Variants in DDIAS observed in about 807,000 individuals in gnomAD.
DDIAS encodes the protein DNA damage-induced apoptosis suppressor protein.
In DDIAS, 14 loss-of-function variants were observed where a neutral mutation model predicts 15.7. That is an observed-to-expected ratio of 0.89 (90% CI 0.59 to 1.39). DDIAS has a LOEUF of 1.39. DDIAS is among the 40% of genes most tolerant of loss of function. The pLI is 0.00. For synonymous variants in DDIAS, 355 were observed against 395.9 expected (o/e 0.90, Z 1.23); for missense variants, 1,035 against 1,130.9 (o/e 0.92, Z 1.22).
chr11:82,904,246 C>A (rs747693694), intron 1 of DDIAS, among the ~76,000 whole-genome samples: 16 of 152,282 alleles, frequency 1.1e-4, no homozygotes, highest in Non-Finnish European at 1.8e-4. Flanking sequence ...CTTAATTGAA[C>A]TTTTTCTCTA....
chr11:82,911,856 G>C (rs1409167974), intron 1 of DDIAS, among the ~76,000 whole-genome samples: 1 of 152,246 alleles, frequency 6.6e-6, no homozygotes, highest in African/African-American at 2.4e-5. Context: ...TCCATGAGTA[G>C]AGAATGGATG....
At chr11:82,922,457 T>G (rs1320881404) in intron 3 of DDIAS, among the ~76,000 whole-genome samples, 1 of 152,204 alleles carries the variant, frequency 6.6e-6, no homozygotes, top group Non-Finnish European at 1.5e-5. Flanking sequence ...TTGAAGACCT[T>G]GTCTTCAAGC....
chr11:82,928,851 T>C lies in DDIAS; in HGVS notation c.188T>C (p.Val63Ala). 6.2e-7 allele frequency: 1 copy of C among 1,612,568 alleles called. No homozygotes were observed. The highest frequency in any genetic ancestry group is 8.5e-7 in the Non-Finnish European group (1 of 1,179,606). The change falls in exon 4 of 6, where the codon GTT (valine) becomes GCT (alanine). Residue 63 changes from valine to alanine, a missense_variant. Transcript: ENST00000533655. ...TACAGATACAAACTTTCCTTAAAAG[T>C]TGCAGAATCAAACAAATTGTTTGTT... ...ANYRYKLSLK[V>A]AESNKLFVIT...
Position 82,928,914 on chromosome 11 carries a change from G to A in DDIAS, c.251G>A (p.Gly84Asp). Residue 84 changes from glycine (G) to aspartate (D), a missense_variant, in exon 4 of 6, where the codon GGT (glycine) becomes GAT (aspartate). Coordinates refer to ENST00000533655, the MANE Select transcript of DDIAS (RefSeq NM_145018.4). ...VFGSCLDTFF[G>D]LTATGLHRYI... is the part of the protein sequence containing the mutation. ...GGAAGTTGCTTAGATACATTTTTTG[G>A]TCTTACTGCCACTGGTTTGCACAGG... 1 of 1,611,748 alleles carries A rather than the reference G, an allele frequency of 6.2e-7. No homozygotes were observed. Among genetic ancestry groups the A allele is most frequent in the Non-Finnish European group, 8.5e-7 (1 of 1,179,458 alleles).
rs1335332550 is a variant in DDIAS at position 82,930,286 on chromosome 11, T to C, written c.393+12T>C. On this transcript the variant is annotated intron_variant, in intron 5 of 5. Coordinates refer to ENST00000533655, the MANE Select transcript of DDIAS (RefSeq NM_145018.4). ...TTTTTGGAGTGACGGTAATTGAGAC[T>C]AGCTTTCTTTTTAATAATCTGTTAA... 4.1e-6 allele frequency: 6 copies of C among 1,457,014 alleles called. No homozygotes were observed. In the African/African-American group the frequency reaches 8.5e-5, roughly 21 times the overall value. The allele number at this position is 1,457,014 out of a possible 1,614,324, so 90.3% of individuals were successfully genotyped here. A position where few individuals can be genotyped will look rare whatever the true frequency, so the allele number is the denominator to read the frequency against.
At chr11:82,923,824 A>C (rs1267398025) in intron 3 of DDIAS, among the ~76,000 whole-genome samples, 1 of 152,242 alleles carries the variant, frequency 6.6e-6, no homozygotes, top group Non-Finnish European at 1.5e-5. Flanking sequence ...ATAAAAAAAA[A>C]TGTGTACAAA....
chr11:82,903,709 A>T (rs1860372905), intron 1 of DDIAS, among the ~76,000 whole-genome samples: 1 of 152,196 alleles, frequency 6.6e-6, no homozygotes, highest in Admixed American at 6.5e-5. Context: ...AGTATGTGCC[A>T]TTGGAGGAGA....
At chr11:82,919,338 C>T (rs1860697421) in intron 3 of DDIAS, among the ~76,000 whole-genome samples, 3 of 152,190 alleles carry the variant, frequency 2.0e-5, no homozygotes, top group Non-Finnish European at 4.4e-5. Flanking sequence ...GTTTTTTCTG[C>T]ATCCATTGAG....
At chr11:82,902,737 C>T (rs930719978) in intron 1 of DDIAS, among the ~76,000 whole-genome samples, 1 of 152,180 alleles carries the variant, frequency 6.6e-6, no homozygotes, top group Non-Finnish European at 1.5e-5. Context: ...GTTTGCAAAG[C>T]CTTTTAAATC....
intron 3 of DDIAS, among the ~76,000 whole-genome samples, chr11:82,921,933 G>A (rs902937448): frequency 2.0e-5 from 3 of 152,098 alleles, no homozygotes; most frequent in Admixed American, 2.0e-4. Flanking sequence ...GCATTTGTTT[G>A]TCTGAGAAAG....
intron 3 of DDIAS, among the ~76,000 whole-genome samples, chr11:82,918,713 G>A (rs1222847509): frequency 6.6e-6 from 1 of 152,130 alleles, no homozygotes; most frequent in Non-Finnish European, 1.5e-5. Flanking sequence ...CATGGGATGT[G>A]TTTCCATTCA....
chr11:82,916,538 A>G (rs1167566723), intron 3 of DDIAS, among the ~76,000 whole-genome samples: 2 of 152,192 alleles, frequency 1.3e-5, no homozygotes, highest in Non-Finnish European at 2.9e-5. Context: ...TGTCTGATAC[A>G]TTATCAGTAA....
intron 1 of DDIAS, among the ~76,000 whole-genome samples, chr11:82,904,418 T>C (rs1045015701): frequency 6.6e-6 from 1 of 152,234 alleles, no homozygotes; most frequent in Admixed American, 6.5e-5. Context: ...AACTTGATTA[T>C]GAGGTAGTTA....
intron 3 of DDIAS, among the ~76,000 whole-genome samples, chr11:82,922,421 CTTTGTG>C (rs1190095305): frequency 6.6e-6 from 1 of 151,962 alleles, no homozygotes; most frequent in Non-Finnish European, 1.5e-5. Flanking sequence ...ATTCTTTTTT[CTTTGTG>C]TTTGTTGGAT....
At position 82,923,705 on chromosome 11, in the gene DDIAS, C is replaced by T. The variant is rs115439700; in HGVS notation, c.114-5072C>T. Among the ~76,000 whole-genome samples the T allele has an allele frequency of 8.5e-3, 1,294 of 152,172 alleles. 19 individuals carry two copies. The highest frequency in any genetic ancestry group is 0.03 in the African/African-American group (1,238 of 41,502). ...AGTAGGTAAGACTCTAGGGCCCCCA[C>T]GTTAGTTTCAACAAGATCTCTATTC... On this transcript the variant is annotated intron_variant, in intron 3 of 5. Transcript: ENST00000533655.
At chr11:82,919,734 T>C (rs1326102008) in intron 3 of DDIAS, among the ~76,000 whole-genome samples, 2 of 152,178 alleles carry the variant, frequency 1.3e-5, no homozygotes, top group Non-Finnish European at 2.9e-5. Context: ...CAGACTTTTT[T>C]TCGTTGGTTT....
Position 82,930,031 on chromosome 11 carries a change from A to C in DDIAS, c.276-126A>C, listed in dbSNP as rs1296029232. ...AGAGAGAACAAACTGCCTGGCTCTT[A>C]AAGTCACTTTTTTTCCTCTATAAAA... On this transcript the variant is annotated intron_variant, in intron 4 of 5. Coordinates refer to ENST00000533655, the MANE Select transcript of DDIAS (RefSeq NM_145018.4). The C allele has an allele frequency of 8.6e-6, 5 of 579,076 alleles. No homozygotes were observed. The East Asian group carries it at 1.2e-4, about 14-fold the overall frequency. 35.9% of individuals were successfully genotyped at this position (579,076 alleles called of 1,614,324 possible).
Position 82,932,372 on chromosome 11 carries a change from G to A in DDIAS, c.1034G>A (p.Arg345Gln), listed in dbSNP as rs781037039. Residue 345 changes from arginine to glutamine, a missense_variant, in exon 6 of 6, where the codon CGA becomes CAA. Physicochemically the swap from Arg to Gln is conservative, Grantham distance 43 (BLOSUM62 1). Transcript: ENST00000533655. ...TCTAATTTATTCTCTTTGGAAATGC[G>A]AGAGCCCCTTGAGTCAAGTAATACA... ...NDSNLFSLEM[R>Q]EPLESSNTKS... is the part of the protein sequence containing the mutation. 8 of 1,613,842 alleles carry A rather than the reference G, an allele frequency of 5.0e-6. No homozygotes were observed. The highest frequency in any genetic ancestry group is 4.0e-5 in the African/African-American group (3 of 74,910).
intron 1 of DDIAS, 90 bp downstream of exon 1, chr11:82,901,912 A>G (rs1304578895): frequency 6.6e-6 from 1 of 152,068 alleles, no homozygotes; most frequent in African/African-American, 2.4e-5. Flanking sequence ...ACCCACCCAG[A>G]GCCCGGCGCT....
Sources: allele counts gnomAD v4.1 joint callset (sites outside exome capture counted in the v4.1 genomes callset), GRCh38; gene constraint gnomAD v4.1.1; transcripts MANE v1.5; gene names NCBI Gene and HGNC (gene_info 2026-07-23, HGNC 2026-07-21).